The following KCTD16 variants were observed in gnomAD, a reference collection of about 807,000 sequenced individuals.
The protein encoded by KCTD16 is potassium channel tetramerization domain containing 16, also known as BTB/POZ domain-containing protein KCTD16.
KCTD16 carries 13 observed loss-of-function variants against 33.2 expected under a neutral mutation model. The observed-to-expected ratio is 0.39, with a 90% CI of 0.25 to 0.62. The LOEUF (loss-of-function observed/expected upper bound fraction) is 0.62. KCTD16 is among the 20% of genes least tolerant of loss of function. KCTD16 has a pLI of 0.50. For synonymous variants in KCTD16, 197 were observed against 195.3 expected, an observed-to-expected ratio of 1.01 and a Z score of -0.07; for missense variants, 441 against 525.1, an observed-to-expected ratio of 0.84 and a Z score of 1.57.
intron 3 of KCTD16, among the ~76,000 whole-genome samples, chr5:144,404,531 G>A (rs1752770636): frequency 6.6e-6 from 1 of 152,076 alleles, no homozygotes; most frequent in Non-Finnish European, 1.5e-5. Context: ...CTTTTTCTGG[G>A]TCACAGGGAT....
intron 3 of KCTD16, among the ~76,000 whole-genome samples, chr5:144,226,682 C>T (rs1001050206): frequency 6.6e-6 from 1 of 151,992 alleles, no homozygotes; most frequent in Non-Finnish European, 1.5e-5. Flanking sequence ...AAGCAATCTT[C>T]CCACCTCAGC....
chr5:144,266,195 A>G (rs965749000), intron 3 of KCTD16, among the ~76,000 whole-genome samples: 6 of 152,206 alleles, frequency 3.9e-5, no homozygotes, highest in African/African-American at 1.4e-4. Flanking sequence ...GTATGCATGC[A>G]TGCATATATG....
chr5:144,420,368 C>T (rs1395618915), intron 3 of KCTD16, among the ~76,000 whole-genome samples: 1 of 152,078 alleles, frequency 6.6e-6, no homozygotes, highest in Non-Finnish European at 1.5e-5. Context: ...AACAAACCTG[C>T]ACGTTGTGCA....
At chr5:144,273,321 A>G (rs1047692063) in intron 3 of KCTD16, among the ~76,000 whole-genome samples, 1 of 152,140 alleles carries the variant, frequency 6.6e-6, no homozygotes, top group African/African-American at 2.4e-5. Context: ...CAAATCAGAA[A>G]ACAACAAATG....
At chr5:144,437,351 G>A (rs2126973957) in intron 3 of KCTD16, among the ~76,000 whole-genome samples, 1 of 152,250 alleles carries the variant, frequency 6.6e-6, no homozygotes, top group South Asian at 2.1e-4. Context: ...AGACCACGGA[G>A]CAGCAGTAAT....
chr5:144,188,055 G>A (rs1752764970), intron 2 of KCTD16, among the ~76,000 whole-genome samples: 1 of 152,092 alleles, frequency 6.6e-6, no homozygotes, highest in African/African-American at 2.4e-5. Flanking sequence ...TTTTCACCAG[G>A]GTTGGCAAGA....
At chr5:144,258,640 T>C (rs1754915924) in intron 3 of KCTD16, among the ~76,000 whole-genome samples, 1 of 152,208 alleles carries the variant, frequency 6.6e-6, no homozygotes, top group Non-Finnish European at 1.5e-5. Context: ...ATAAAAGTCA[T>C]TGGGTTCTTC....
chr5:144,256,717 G>C (rs1253574040), intron 3 of KCTD16, among the ~76,000 whole-genome samples: 1 of 151,852 alleles, frequency 6.6e-6, no homozygotes, highest in Non-Finnish European at 1.5e-5. Context: ...AGACATTCTG[G>C]AAGATCTAGT....
At chr5:144,262,814 C>T (rs549676205) in intron 3 of KCTD16, among the ~76,000 whole-genome samples, 1 of 152,316 alleles carries the variant, frequency 6.6e-6, no homozygotes, top group African/African-American at 2.4e-5. Context: ...CTGTGTGACT[C>T]TTATCACTTT....
At chr5:144,403,271 C>T (rs1201619290) in intron 3 of KCTD16, among the ~76,000 whole-genome samples, 1 of 152,032 alleles carries the variant, frequency 6.6e-6, no homozygotes, top group Non-Finnish European at 1.5e-5. Flanking sequence ...ATGAATGTGA[C>T]CTTATTTGGA....
chr5:144,222,689 T>G (rs1156957006), intron 3 of KCTD16, among the ~76,000 whole-genome samples: 1 of 152,224 alleles, frequency 6.6e-6, no homozygotes, highest in Non-Finnish European at 1.5e-5. Context: ...TTTACACTGT[T>G]GGTGGGACTG....
intron 3 of KCTD16, among the ~76,000 whole-genome samples, chr5:144,309,936 G>A (rs947143247): frequency 3.3e-5 from 5 of 151,974 alleles, no homozygotes; most frequent in Admixed American, 3.3e-4. Flanking sequence ...GTGTCATTGT[G>A]TATATTTAAA....
At chr5:144,229,443 A>C (rs1754032110) in intron 3 of KCTD16, among the ~76,000 whole-genome samples, 1 of 152,214 alleles carries the variant, frequency 6.6e-6, no homozygotes, top group Non-Finnish European at 1.5e-5. Flanking sequence ...TGACACACTC[A>C]GGGAATGGCC....
At chr5:144,398,708 A>ACTCTCTCTCTCTCT (rs367796082) in intron 3 of KCTD16, among the ~76,000 whole-genome samples, 87 of 145,534 alleles carry the variant, frequency 6.0e-4, no homozygotes, top group African/African-American at 2.1e-3. Context: ...ACACACACAC[A>ACTCTCTCTCTCTCT]CTCTCTCTCT....
chr5:144,356,321 G>A (rs1054591061), intron 3 of KCTD16, among the ~76,000 whole-genome samples: 3 of 152,088 alleles, frequency 2.0e-5, no homozygotes, highest in Non-Finnish European at 4.4e-5. Context: ...GTGTGTGTCC[G>A]TGTACATATA....
At chr5:144,425,558 TG>T (rs991965247) in intron 3 of KCTD16, among the ~76,000 whole-genome samples, 4 of 152,036 alleles carry the variant, frequency 2.6e-5, no homozygotes, top group African/African-American at 9.7e-5. Flanking sequence ...CAATATCCTG[TG>T]AAATCTAGGT....
At chr5:144,443,071 C>T (rs1382602295) in intron 3 of KCTD16, among the ~76,000 whole-genome samples, 1 of 152,086 alleles carries the variant, frequency 6.6e-6, no homozygotes, top group Admixed American at 6.6e-5. Context: ...GCCTTGTTTG[C>T]CTAGAATCAA....
At chr5:144,441,775 T>TG (rs1753714652) in intron 3 of KCTD16, among the ~76,000 whole-genome samples, 1 of 150,448 alleles carries the variant, frequency 6.6e-6, no homozygotes, top group South Asian at 2.1e-4. Context: ...TAAATTTGTT[T>TG]TTTTTTTTTT....
At chr5:144,470,550 C>G (rs1754446227) in intron 3 of KCTD16, among the ~76,000 whole-genome samples, 1 of 152,066 alleles carries the variant, frequency 6.6e-6, no homozygotes, top group Non-Finnish European at 1.5e-5. Context: ...CTTCAGAAGC[C>G]ATCTCATAAA....
Sources: gnomAD v4.1 joint callset for allele counts (sites outside exome capture counted in the v4.1 genomes callset) on GRCh38, gnomAD v4.1.1 for gene constraint, MANE v1.5 for transcripts, NCBI Gene and HGNC (gene_info 2026-07-23, HGNC 2026-07-21) for gene names.